The following RAP1A variants were observed in gnomAD, a reference collection of about 807,000 sequenced individuals.
The protein encoded by RAP1A is ras-related protein Rap-1A.
In RAP1A, 6 loss-of-function variants were observed where a neutral mutation model predicts 26.4. The ratio of observed to expected loss-of-function variants is 0.23; its 90% CI spans 0.12 to 0.45. The LOEUF is 0.45. Ranked by LOEUF, RAP1A falls within the 20% of genes least tolerant of loss-of-function variation. The pLI is 0.99. For missense variants in RAP1A, 121 were observed against 217.2 expected (o/e 0.56, Z 2.78); for synonymous variants, 73 against 79.4 (o/e 0.92, Z 0.43).
intron 1 of RAP1A, among the ~76,000 whole-genome samples, chr1:111,688,026 C>CAA (rs58107878): frequency 0.2 from 10,241 of 51,230 alleles, 1,704 homozygotes; most frequent in Non-Finnish European, 0.21. Flanking sequence ...GACCCTGTCT[C>CAA]AAAAAAAAAA....
At chr1:111,543,062 T>G (rs1211653207) in intron 1 of RAP1A, among the ~76,000 whole-genome samples, 3 of 152,170 alleles carry the variant, frequency 2.0e-5, no homozygotes, top group Non-Finnish European at 4.4e-5. Context: ...ATTCTCCCAG[T>G]GGGTTATAAA....
chr1:111,640,506 A>G (rs143387372), intron 1 of RAP1A, among the ~76,000 whole-genome samples: 1 of 152,298 alleles, frequency 6.6e-6, no homozygotes, highest in East Asian at 1.9e-4. Flanking sequence ...ATAAAAGTTG[A>G]GAGATTTTTA....
intron 1 of RAP1A, among the ~76,000 whole-genome samples, chr1:111,683,533 C>T (rs1355664583): frequency 6.6e-6 from 1 of 152,112 alleles, no homozygotes. Flanking sequence ...ATATAAACAC[C>T]TCTATGCAAA....
intron 1 of RAP1A, among the ~76,000 whole-genome samples, chr1:111,587,510 C>T (rs899881236): frequency 1.2e-4 from 18 of 152,096 alleles, no homozygotes; most frequent in East Asian, 3.9e-4. Flanking sequence ...TTACTCTATT[C>T]GTTATCCTCT....
intron 1 of RAP1A, among the ~76,000 whole-genome samples, chr1:111,676,740 C>A (rs1448550781): frequency 1.3e-5 from 2 of 152,040 alleles, no homozygotes; most frequent in Non-Finnish European, 2.9e-5. Context: ...CCACTGGCCC[C>A]AAACAGCTTT....
chr1:111,688,809 T>TTTTTTTTTTTTTG (rs1474841351), intron 1 of RAP1A, among the ~76,000 whole-genome samples: 1 of 85,234 alleles, frequency 1.2e-5, no homozygotes, highest in Non-Finnish European at 2.2e-5. Context: ...TTTGTTTTTG[T>TTTTTTTTTTTTTG]TTTTTTTTTT....
chr1:111,547,083 T>C (rs571863428), intron 1 of RAP1A, among the ~76,000 whole-genome samples: 2 of 152,326 alleles, frequency 1.3e-5, no homozygotes, highest in Non-Finnish European at 1.5e-5. Context: ...ATTGCTAATA[T>C]ATAGAAATAC....
At position 111,712,484 on chromosome 1, in the gene RAP1A, T is replaced by G. The variant is rs1329174370; in HGVS notation, c.*83T>G. On this transcript the variant is annotated 3_prime_UTR_variant, in exon 8 of 8. Transcript: ENST00000369709. Reference sequence around the variant, plus strand: ...TTGGAAAGTGCCAGCATTCCAGACTTCAAAAATAAAAAATCTGAAGAGGCT... The same window carrying G: ...TTGGAAAGTGCCAGCATTCCAGACTGCAAAAATAAAAAATCTGAAGAGGCT... 1.3e-5 allele frequency: 2 copies of G among 152,524 alleles called. No homozygotes were observed. Among genetic ancestry groups the G allele is most frequent in the Non-Finnish European group, 2.9e-5 (2 of 67,932 alleles). 9.4% of individuals were successfully genotyped at this position (152,524 alleles called of 1,614,324 possible).
At chr1:111,709,287 A>G (rs1237879998) in intron 7 of RAP1A, 23 bp downstream of exon 7, 2 of 1,557,626 alleles carry the variant, frequency 1.3e-6, no homozygotes, top group Non-Finnish European at 1.7e-6. Flanking sequence ...AAGCAGAACA[A>G]GTGCCTTTCT....
Position 111,709,613 on chromosome 1 carries a change from G to GT in RAP1A, c.*29+352dup, listed in dbSNP as rs569376225. ...GTGAAACAGTAGTTGCTCTGAAAAAGTTTAAGTGCACATTTGGTGAATTAT... is the reference window on the plus strand; with the variant it reads ...GTGAAACAGTAGTTGCTCTGAAAAAGTTTTAAGTGCACATTTGGTGAATTAT... On this transcript the variant is annotated intron_variant, in intron 7 of 7. Coordinates refer to ENST00000369709, the MANE Select transcript of RAP1A (RefSeq NM_002884.4). 5.3e-5 allele frequency among the ~76,000 whole-genome samples: 8 copies of GT among 152,254 alleles called. No individual in the cohort carries two copies. In the East Asian group the frequency reaches 1.5e-3, roughly 29 times the overall value.
At chr1:111,550,796 A>G (rs988778426) in intron 1 of RAP1A, among the ~76,000 whole-genome samples, 34 of 152,200 alleles carry the variant, frequency 2.2e-4, no homozygotes, top group African/African-American at 8.0e-4. Context: ...CACCCAGCCC[A>G]ATTTCATCTT....
intron 1 of RAP1A, among the ~76,000 whole-genome samples, chr1:111,589,776 AT>A (rs1197615007): frequency 2.0e-5 from 3 of 152,086 alleles, no homozygotes; most frequent in Non-Finnish European, 4.4e-5. Flanking sequence ...CAGTGGTGCT[AT>A]CATGGCTCAC....
chr1:111,703,616 A>AT (rs1481156924), intron 5 of RAP1A, 140 bp downstream of exon 5: 25 of 777,340 alleles, frequency 3.2e-5, no homozygotes, highest in Non-Finnish European at 4.5e-5. Flanking sequence ...AAAGAAAAAA[A>AT]TTTAACTTTC....
intron 1 of RAP1A, among the ~76,000 whole-genome samples, chr1:111,593,335 C>T (rs1658503453): frequency 1.3e-5 from 2 of 152,278 alleles, no homozygotes; most frequent in South Asian, 4.1e-4. Flanking sequence ...TGATATTGCT[C>T]TAGGGCCATT....
intron 1 of RAP1A, among the ~76,000 whole-genome samples, chr1:111,575,498 A>T (rs1215242014): frequency 6.6e-6 from 1 of 152,192 alleles, no homozygotes; most frequent in Admixed American, 6.5e-5. Flanking sequence ...CATCTGTAAA[A>T]TGGGGATGAT....
At chr1:111,620,825 C>T (rs1342753671) in intron 1 of RAP1A, among the ~76,000 whole-genome samples, 2 of 152,090 alleles carry the variant, frequency 1.3e-5, no homozygotes, top group African/African-American at 4.8e-5. Context: ...AAGTTAAGGA[C>T]GGTGTCTTCA....
chr1:111,703,601 G>C, intron 5 of RAP1A, 125 bp downstream of exon 5: 2 of 924,828 alleles, frequency 2.2e-6, no homozygotes, highest in Non-Finnish European at 3.0e-6. Context: ...GAGCCCCTGT[G>C]ACCAAAAGAA....
intron 1 of RAP1A, among the ~76,000 whole-genome samples, 165 bp downstream of exon 1, chr1:111,620,099 G>T (rs1433554412): frequency 9.2e-5 from 14 of 152,052 alleles, no homozygotes; most frequent in Admixed American, 9.2e-4. Flanking sequence ...CCTGGCCGGC[G>T]GGAGGGGCCG....
chr1:111,595,732 T>A (rs1386988745), intron 1 of RAP1A, among the ~76,000 whole-genome samples: 2 of 152,178 alleles, frequency 1.3e-5, no homozygotes, highest in Non-Finnish European at 2.9e-5. Flanking sequence ...CAGAGTTGGC[T>A]ATGGATATAA....
Sources: allele counts gnomAD v4.1 joint callset (sites outside exome capture counted in the v4.1 genomes callset), GRCh38; gene constraint gnomAD v4.1.1; transcripts MANE v1.5; gene names NCBI Gene and HGNC (gene_info 2026-07-23, HGNC 2026-07-21).